Variants in CALD1 observed in about 807,000 individuals in gnomAD.
CALD1 encodes caldesmon 1.
Under a neutral mutation model 99.9 loss-of-function variants are expected in CALD1, and 33 were observed. That is an observed-to-expected ratio of 0.33 (90% CI 0.25 to 0.44). CALD1 has a LOEUF of 0.44. Among genes scored for constraint, CALD1 ranks in the 20% least tolerant of loss-of-function variants. The pLI, the probability that CALD1 is intolerant of heterozygous loss-of-function variation, is 1.00. For missense variants in CALD1, 861 were observed against 962.1 expected, an observed-to-expected ratio of 0.89 and a Z score of 1.39; for synonymous variants, 310 against 325.0, an observed-to-expected ratio of 0.95 and a Z score of 0.50.
chr7:134,748,538 T>C (rs1304204877), intron 1 of CALD1, among the ~76,000 whole-genome samples: 1 of 151,948 alleles, frequency 6.6e-6, no homozygotes, highest in South Asian at 2.1e-4. Flanking sequence ...GGTGAAGCCC[T>C]ATCTCTACTA....
intron 3 of CALD1, among the ~76,000 whole-genome samples, chr7:134,882,396 C>T (rs565126763): frequency 6.6e-6 from 1 of 152,202 alleles, no homozygotes; most frequent in Admixed American, 6.5e-5. Flanking sequence ...GAATTTTGAC[C>T]ACTTATGCTT....
intron 11 of CALD1, among the ~76,000 whole-genome samples, chr7:134,959,284 G>T (rs190952252): frequency 6.6e-6 from 1 of 151,886 alleles, no homozygotes; most frequent in South Asian, 2.1e-4. Flanking sequence ...AGGTTCAAGC[G>T]ATTCTCCTGC....
intron 3 of CALD1, among the ~76,000 whole-genome samples, chr7:134,890,227 C>T (rs558597727): frequency 2.6e-5 from 4 of 152,218 alleles, no homozygotes; most frequent in Admixed American, 6.5e-5. Context: ...CTCTGATGAC[C>T]GCATAGTATT....
the CALD1 span, among the ~76,000 whole-genome samples, chr7:134,725,721 G>A: frequency 1.3e-5 from 2 of 152,220 alleles, no homozygotes; most frequent in Non-Finnish European, 2.9e-5. Context: ...CTTTACTGAT[G>A]TGATTACCTT....
intron 3 of CALD1, among the ~76,000 whole-genome samples, chr7:134,922,431 T>C (rs1804684719): frequency 6.6e-6 from 1 of 152,160 alleles, no homozygotes; most frequent in African/African-American, 2.4e-5. Context: ...AACCAGAAGA[T>C]ACCAAAATGG....
intron 1 of CALD1, among the ~76,000 whole-genome samples, chr7:134,761,233 C>T (rs1000834061): frequency 2.6e-5 from 4 of 152,150 alleles, no homozygotes; most frequent in Non-Finnish European, 5.9e-5. Context: ...AACCCCAACC[C>T]CCTGCTCCAA....
chr7:134,720,535 T>C, the CALD1 span, among the ~76,000 whole-genome samples: 1 of 152,176 alleles, frequency 6.6e-6, no homozygotes, highest in Non-Finnish European at 1.5e-5. Flanking sequence ...ATGATAAATG[T>C]CTCCTGTGGC....
chr7:134,728,845 CTT>C, the CALD1 span, among the ~76,000 whole-genome samples: 75 of 124,232 alleles, frequency 6.0e-4, no homozygotes, highest in South Asian at 2.1e-3. Flanking sequence ...TATACCTTTT[CTT>C]TTTTTTTTTT....
intron 7 of CALD1, among the ~76,000 whole-genome samples, chr7:134,945,841 G>C (rs1442551572): frequency 6.6e-6 from 1 of 152,188 alleles, no homozygotes; most frequent in Non-Finnish European, 1.5e-5. Flanking sequence ...TGTAAGAATA[G>C]ACATAAATCA....
At chr7:134,940,241 C>T (rs1025417177) in intron 6 of CALD1, among the ~76,000 whole-genome samples, 2 of 152,170 alleles carry the variant, frequency 1.3e-5, no homozygotes, top group East Asian at 1.9e-4. Flanking sequence ...TCCTTTACCC[C>T]CTCCCCCACA....
At position 134,783,368 on chromosome 7, in the gene CALD1, A is replaced by G. The variant is rs965908497; in HGVS notation, c.-130+3619A>G. On this transcript the variant is annotated intron_variant, in intron 1 of 14. Transcript: ENST00000361675. This position sits in a 1 kb window ranked among gnomAD's most constrained non-coding sequence, Gnocchi z 4.3. ...GGAGCTTTCTTGATCCAACATTGAC[A>G]ATTTGCAGGGGCCAGCTCTAAGATG... 3.9e-5 allele frequency among the ~76,000 whole-genome samples: 6 copies of G among 152,106 alleles called. No individual in the cohort carries two copies. Among genetic ancestry groups the G allele is most frequent in the Non-Finnish European group, 8.8e-5 (6 of 68,026 alleles).
intron 1 of CALD1, among the ~76,000 whole-genome samples, chr7:134,765,995 T>A (rs1235472017): frequency 9.2e-5 from 14 of 152,008 alleles, no homozygotes; most frequent in Admixed American, 9.2e-4. Context: ...TAGCTCCTGT[T>A]TTCACCATGT....
At chr7:134,879,113 A>G (rs1801481042) in intron 3 of CALD1, among the ~76,000 whole-genome samples, 2 of 152,250 alleles carry the variant, frequency 1.3e-5, no homozygotes, top group Admixed American at 1.3e-4. Context: ...ACTGGCAGAC[A>G]GAAATGATGA....
At chr7:134,736,380 G>A in the CALD1 span, among the ~76,000 whole-genome samples, 1 of 152,028 alleles carries the variant, frequency 6.6e-6, no homozygotes, top group Non-Finnish European at 1.5e-5. Flanking sequence ...GTACACACAC[G>A]AACATGCACC....
In CALD1 at chr7:134,793,963, C is replaced by G. The variant is rs1346950995; in HGVS notation, c.-130+14214C>G. Among the ~76,000 whole-genome samples, 3 of 152,276 alleles carry G rather than the reference C, an allele frequency of 2.0e-5. No individual in the cohort carries two copies. In the East Asian group the frequency reaches 5.8e-4, roughly 29 times the overall value. On this transcript the variant is annotated intron_variant, in intron 1 of 14. Transcript: ENST00000361675. The stretch of plus-strand genomic sequence containing the variant: ...CTACTCTGCTCTCTATCTTGTCTCA[C>G]CACTTCAATTCTTCTTCTCCCTTGA...
In CALD1 at chr7:134,783,040, G is replaced by A. The variant is rs989263226; in HGVS notation, c.-130+3291G>A. ...ACTTGAGCATAAGACCAGTGAGAAAGTGCTGACAACAGAAAGCCCTTAAGT... is the reference window on the plus strand; with the variant it reads ...ACTTGAGCATAAGACCAGTGAGAAAATGCTGACAACAGAAAGCCCTTAAGT... On this transcript the variant is annotated intron_variant, in intron 1 of 14. Transcript: ENST00000361675. This position sits in a 1 kb window ranked among gnomAD's most constrained non-coding sequence, Gnocchi z 4.3. Among the ~76,000 whole-genome samples the A allele has an allele frequency of 1.2e-4, 18 of 152,204 alleles. No homozygotes were observed. Among genetic ancestry groups the A allele is most frequent in the Non-Finnish European group, 2.4e-4 (16 of 68,032 alleles).
chr7:134,899,208 T>C (rs924719040), intron 3 of CALD1, among the ~76,000 whole-genome samples: 2 of 140,098 alleles, frequency 1.4e-5, no homozygotes, highest in African/African-American at 2.6e-5. Flanking sequence ...TTTCTTTTTC[T>C]TTTTTTTTTT....
At position 134,897,921 on chromosome 7, in the gene CALD1, C is replaced by G. The variant is rs558536565; in HGVS notation, c.71+30117C>G. Among the ~76,000 whole-genome samples the G allele has an allele frequency of 5.3e-5, 8 of 152,016 alleles. No homozygotes were observed. The South Asian group carries it at 1.7e-3, about 32-fold the overall frequency. ...ATGGGGTCTCGCTGTATTGCCCATGCTGGTCTCAAACTCCTGGGCTCAAGC... is the reference window on the plus strand; with the variant it reads ...ATGGGGTCTCGCTGTATTGCCCATGGTGGTCTCAAACTCCTGGGCTCAAGC... On this transcript the variant is annotated intron_variant, in intron 3 of 14. Transcript: ENST00000361675.
chr7:134,814,558 G>T (rs1197242927), intron 1 of CALD1, among the ~76,000 whole-genome samples: 1 of 152,164 alleles, frequency 6.6e-6, no homozygotes, highest in Non-Finnish European at 1.5e-5. Context: ...CCTTTCTACT[G>T]AGGTTGATTG....
Sources: gnomAD v4.1 joint callset for allele counts (sites outside exome capture counted in the v4.1 genomes callset) on GRCh38, gnomAD v4.1.1 for gene constraint, Gnocchi (gnomAD v3.1) non-coding constraint, MANE v1.5 for transcripts, NCBI Gene and HGNC (gene_info 2026-07-23, HGNC 2026-07-21) for gene names.